The following TMCO6 variants were observed in gnomAD, a reference collection of about 807,000 sequenced individuals.
TMCO6 encodes transmembrane and coiled-coil domains 6, also known as transmembrane and coiled-coil domain-containing protein 6.
In TMCO6, 47 loss-of-function variants were observed where a neutral mutation model predicts 61.8. The ratio of observed to expected loss-of-function variants is 0.76; its 90% CI spans 0.60 to 0.97. The LOEUF (loss-of-function observed/expected upper bound fraction) is 0.97, where lower values mean the gene tolerates loss of function less well. TMCO6 is among the 50% of genes least tolerant of loss of function. The pLI is 0.00. For missense variants in TMCO6, 557 were observed against 601.6 expected, an observed-to-expected ratio of 0.93 and a Z score of 0.78; for synonymous variants, 261 against 254.2, an observed-to-expected ratio of 1.03 and a Z score of -0.25.
chr5:140,645,338 C>A lies in TMCO6; in HGVS notation c.*240C>A. The A allele has an allele frequency of 1.3e-6, 1 of 741,290 alleles. No individual in the cohort carries two copies. The highest frequency in any genetic ancestry group is 1.7e-5 in the African/African-American group (1 of 57,492). The allele number at this position is 741,290 out of a possible 1,614,324, so 45.9% of individuals were successfully genotyped here. ...CCTAGAATCCCTGCCCCCCCGCCAC[C>A]CTTCATGTTTGCTTCAGCAGCTGGT... On this transcript the variant is annotated 3_prime_UTR_variant, in exon 12 of 12. Coordinates refer to ENST00000394671, the MANE Select transcript of TMCO6 (RefSeq NM_018502.5).
the TMCO6 span, among the ~76,000 whole-genome samples, chr5:140,628,919 C>T: frequency 3.8e-3 from 584 of 151,858 alleles, 1 homozygote; most frequent in African/African-American, 0.014. Context: ...AGTGTAGATA[C>T]ACTGTACAAA....
the TMCO6 span, chr5:140,632,723 C>G: frequency 6.2e-7 from 1 of 1,613,724 alleles, no homozygotes; most frequent in Admixed American, 1.7e-5. The surrounding 1 kb of genome is among the most constrained non-coding windows in gnomAD (Gnocchi z 6.2). Context: ...CGCGGAGAGC[C>G]TTGACCGTGT....
the TMCO6 span, among the ~76,000 whole-genome samples, chr5:140,606,171 C>CT: frequency 1.0e-3 from 135 of 131,872 alleles, no homozygotes; most frequent in Middle Eastern, 0.019. Context: ...TTTCTTTCCT[C>CT]TTTTTTTTTT....
the TMCO6 span, among the ~76,000 whole-genome samples, chr5:140,617,886 T>A: frequency 1.3e-3 from 200 of 152,348 alleles, no homozygotes; most frequent in African/African-American, 4.4e-3. Context: ...TGAACCATTG[T>A]GCACTGACAG....
rs1451348363 is a variant in TMCO6, at chr5:140,644,610, C to T, written c.1238C>T (p.Pro413Leu). ...TVLCNVAEKG[P>L]AYCQRLWPGP... ...CTGTGCAATGTTGCAGAAAAGGGTCCTGCTTACTGCCAGCGGCTGTGGCCA... is the reference window on the plus strand; with the variant it reads ...CTGTGCAATGTTGCAGAAAAGGGTCTTGCTTACTGCCAGCGGCTGTGGCCA... The change falls in exon 11 of 12, where the codon CCT (proline) becomes CTT (leucine). Residue 413 changes from proline (P) to leucine (L), a missense_variant. By Grantham distance (98) the Pro-to-Leu change is moderately conservative. Coordinates refer to ENST00000394671, the MANE Select transcript of TMCO6 (RefSeq NM_018502.5). 29 of 1,614,112 alleles carry T rather than the reference C, an allele frequency of 1.8e-5. No homozygotes were observed. The highest frequency in any genetic ancestry group is 2.5e-5 in the Non-Finnish European group (29 of 1,180,052).
Position 140,641,680 on chromosome 5 carries a change from CGGCAAGCCCAGCGGG to C in TMCO6, c.217_231del (p.Gln73_Gly77del). The C allele has an allele frequency of 1.2e-6, 2 of 1,613,942 alleles. No individual in the cohort carries two copies. Among genetic ancestry groups the C allele is most frequent in the Non-Finnish European group, 8.5e-7 (1 of 1,179,976 alleles). ...TGAACTCCAGGTGCAGCAGTTCCTG[CGGCAAGCCCAGCGGG>C]GGACAGAGGAAAAGGAGAGAGAGGG... On this transcript the variant is annotated inframe_deletion, in exon 3 of 12. Coordinates refer to ENST00000394671, the MANE Select transcript of TMCO6 (RefSeq NM_018502.5).
chr5:140,632,754 G>A, the TMCO6 span: 1 of 1,613,456 alleles, frequency 6.2e-7, no homozygotes, highest in Admixed American at 1.7e-5. The surrounding 1 kb of genome is among the most constrained non-coding windows in gnomAD (Gnocchi z 6.2). Context: ...CCGCGGGTCG[G>A]CGTCCGCATC....
At chr5:140,640,488 A>C (rs1231024585) in intron 2 of TMCO6, among the ~76,000 whole-genome samples, 8 of 149,548 alleles carry the variant, frequency 5.3e-5, no homozygotes, top group Non-Finnish European at 1.2e-4. Context: ...TCACTGCAAC[A>C]TCCGCCTCCC....
At chr5:140,613,486 A>G in the TMCO6 span, among the ~76,000 whole-genome samples, 6 of 150,738 alleles carry the variant, frequency 4.0e-5, no homozygotes, top group African/African-American at 1.5e-4. Context: ...AGCCACACCT[A>G]CCCATCAGCA....
chr5:140,642,293 T>G, intron 4 of TMCO6, 22 bp from the exon 5 acceptor site: 1 of 1,590,610 alleles, frequency 6.3e-7, no homozygotes, highest in Non-Finnish European at 8.6e-7. Context: ...CCAAGCCCAG[T>G]GCTTTTGTTG....
At chr5:140,610,565 T>C in the TMCO6 span, among the ~76,000 whole-genome samples, 2 of 152,230 alleles carry the variant, frequency 1.3e-5, no homozygotes, top group Non-Finnish European at 2.9e-5. Context: ...AATAGATTTT[T>C]GTATATTGAT....
the TMCO6 span, among the ~76,000 whole-genome samples, chr5:140,607,858 C>G: frequency 6.7e-6 from 1 of 149,826 alleles, no homozygotes; most frequent in Non-Finnish European, 1.5e-5. Context: ...GGCGCAATCT[C>G]GGTTCACTGC....
At chr5:140,622,254 G>T in the TMCO6 span, among the ~76,000 whole-genome samples, 7 of 152,122 alleles carry the variant, frequency 4.6e-5, no homozygotes, top group African/African-American at 1.7e-4. Flanking sequence ...CAAGCTGGCC[G>T]ACGCTTAAGG....
At chr5:140,600,630 A>T in the TMCO6 span, among the ~76,000 whole-genome samples, 1 of 151,784 alleles carries the variant, frequency 6.6e-6, no homozygotes, top group African/African-American at 2.4e-5. Flanking sequence ...GTGCCCGGAT[A>T]ATTTTTGTAT....
the TMCO6 span, chr5:140,632,356 G>A: frequency 3.1e-6 from 5 of 1,614,154 alleles, no homozygotes; most frequent in South Asian, 1.1e-5. The surrounding 1 kb of genome is among the most constrained non-coding windows in gnomAD (Gnocchi z 6.2). Flanking sequence ...ATCAGTCCGC[G>A]TTCGCCCAGT....
At chr5:140,608,289 A>T in the TMCO6 span, among the ~76,000 whole-genome samples, 1 of 152,144 alleles carries the variant, frequency 6.6e-6, no homozygotes, top group South Asian at 2.1e-4. Flanking sequence ...ACTTTCAGGC[A>T]TTTGTGTGCC....
At chr5:140,647,643 A>G, downstream of TMCO6, 1 of 1,577,744 alleles carries the variant, frequency 6.3e-7, no homozygotes, top group Non-Finnish European at 8.6e-7. Flanking sequence ...CGGTCTGACC[A>G]ACCGCGGACC....
At chr5:140,609,138 G>A in the TMCO6 span, 1 of 152,664 alleles carries the variant, frequency 6.6e-6, no homozygotes, top group African/African-American at 2.4e-5. Context: ...AGGTAATGAT[G>A]GGGTAAGGAG....
chr5:140,620,237 A>T, the TMCO6 span, among the ~76,000 whole-genome samples: 2 of 152,238 alleles, frequency 1.3e-5, no homozygotes, highest in Non-Finnish European at 2.9e-5. Flanking sequence ...CATGGAAAAA[A>T]CTTAGATCCA....
Sources: allele counts gnomAD v4.1 joint callset (sites outside exome capture counted in the v4.1 genomes callset), GRCh38; gene constraint gnomAD v4.1.1; non-coding constraint Gnocchi (gnomAD v3.1); transcripts MANE v1.5; gene names NCBI Gene and HGNC (gene_info 2026-07-23, HGNC 2026-07-21).